Variants in RIMS1 observed in about 807,000 individuals in gnomAD.
The protein encoded by RIMS1 is regulating synaptic membrane exocytosis 1.
A neutral mutation model predicts 214.1 loss-of-function variants in RIMS1; 83 were observed. The ratio of observed to expected loss-of-function variants is 0.39; its 90% CI spans 0.32 to 0.47. The LOEUF (loss-of-function observed/expected upper bound fraction) is 0.47. Ranked by LOEUF, RIMS1 falls within the 20% of genes least tolerant of loss-of-function variation. The probability of loss-of-function intolerance (pLI) is 0.99; values close to 1 mark genes in which losing one functional copy is unlikely to be tolerated. For missense variants in RIMS1, 2,050 were observed against 2,161.8 expected (o/e 0.95, Z 1.03); for synonymous variants, 793 against 786.8 (o/e 1.01, Z -0.13).
chr6:72,365,137 C>T (rs967115425), intron 29 of RIMS1, among the ~76,000 whole-genome samples: 4 of 152,256 alleles, frequency 2.6e-5, no homozygotes, highest in Admixed American at 1.3e-4. Flanking sequence ...CACAAAAGTG[C>T]TCTTTGCCCA....
intron 6 of RIMS1, among the ~76,000 whole-genome samples, chr6:72,233,444 G>A (rs1247078856): frequency 6.6e-6 from 1 of 150,870 alleles, no homozygotes; most frequent in Middle Eastern, 3.2e-3. Flanking sequence ...AGCATCACTA[G>A]ATAGCAGGTT....
intron 2 of RIMS1, among the ~76,000 whole-genome samples, chr6:71,978,807 A>G (rs1797779549): frequency 6.6e-6 from 1 of 152,150 alleles, no homozygotes; most frequent in South Asian, 2.1e-4. Flanking sequence ...AGGGATCAAT[A>G]TCAATTTTCT....
intron 9 of RIMS1, among the ~76,000 whole-genome samples, chr6:72,239,725 T>G (rs2065901405): frequency 6.6e-6 from 1 of 152,218 alleles, no homozygotes; most frequent in Non-Finnish European, 1.5e-5. Flanking sequence ...ACACTCTGTT[T>G]ATTATGAAGA....
At chr6:72,279,600 C>T (rs181894655) in intron 23 of RIMS1, among the ~76,000 whole-genome samples, 5 of 152,034 alleles carry the variant, frequency 3.3e-5, no homozygotes, top group Admixed American at 1.3e-4. Context: ...AACAAAAAAG[C>T]ATGTTTAAAC....
At chr6:72,328,667 A>G (rs2096563849) in intron 28 of RIMS1, among the ~76,000 whole-genome samples, 1 of 151,800 alleles carries the variant, frequency 6.6e-6, no homozygotes, top group African/African-American at 2.4e-5. Flanking sequence ...AGCAAACAGA[A>G]CTAGCAGGTT....
At chr6:71,988,765 T>A (rs919480244) in intron 2 of RIMS1, among the ~76,000 whole-genome samples, 2 of 152,150 alleles carry the variant, frequency 1.3e-5, no homozygotes, top group Non-Finnish European at 2.9e-5. Context: ...TAATACAGAG[T>A]AACTGTTATT....
At chr6:72,288,204 C>T (rs2154242362) in intron 24 of RIMS1, among the ~76,000 whole-genome samples, 1 of 152,112 alleles carries the variant, frequency 6.6e-6, no homozygotes, top group Non-Finnish European at 1.5e-5. Context: ...CTCCAGGTCA[C>T]TCTATGACCC....
At chr6:71,988,461 G>T (rs962849631) in intron 2 of RIMS1, among the ~76,000 whole-genome samples, 8 of 152,048 alleles carry the variant, frequency 5.3e-5, no homozygotes, top group Non-Finnish European at 8.8e-5. Flanking sequence ...AAACTTGTGT[G>T]TTCTCATTGA....
chr6:72,071,150 A>C (rs535948461), intron 2 of RIMS1, among the ~76,000 whole-genome samples: 106 of 152,282 alleles, frequency 7.0e-4, no homozygotes, highest in African/African-American at 2.5e-3. Flanking sequence ...TAATCACAGC[A>C]CTTTGGGAGG....
chr6:72,005,066 T>A (rs1239745523), intron 2 of RIMS1, among the ~76,000 whole-genome samples: 1 of 151,470 alleles, frequency 6.6e-6, no homozygotes, highest in Non-Finnish European at 1.5e-5. Flanking sequence ...AAGGAAGGGA[T>A]CCAGTTTCAG....
intron 26 of RIMS1, among the ~76,000 whole-genome samples, chr6:72,296,942 C>T (rs2094149695): frequency 6.6e-6 from 1 of 151,704 alleles, no homozygotes; most frequent in South Asian, 2.1e-4. Flanking sequence ...TTGGTGTATC[C>T]TATTTTAGTA....
intron 29 of RIMS1, 33 bp downstream of exon 29, chr6:72,333,868 A>C: frequency 1.4e-6 from 2 of 1,446,154 alleles, no homozygotes; most frequent in Non-Finnish European, 1.9e-6. Flanking sequence ...AAACAACTCA[A>C]TTCTTTTATG....
chr6:72,242,259 C>T (rs1258974291), intron 9 of RIMS1, 55 bp from the exon 10 acceptor site: 29 of 1,320,114 alleles, frequency 2.2e-5, no homozygotes, highest in Admixed American at 1.6e-4. Flanking sequence ...AGAAAAGATA[C>T]GAAAAATAAA....
intron 1 of RIMS1, among the ~76,000 whole-genome samples, chr6:71,956,179 A>G (rs937837634): frequency 3.3e-5 from 5 of 152,108 alleles, no homozygotes. Flanking sequence ...TGACATATGT[A>G]GTCTTCTTAC....
chr6:72,180,750 TTGTTTTTGTA>T (rs1479293474), intron 5 of RIMS1, among the ~76,000 whole-genome samples: 1 of 152,238 alleles, frequency 6.6e-6, no homozygotes, highest in Non-Finnish European at 1.5e-5. Flanking sequence ...ACTGGGCTTA[TTGTTTTTGTA>T]TGTGTAACCA....
intron 1 of RIMS1, among the ~76,000 whole-genome samples, chr6:71,890,552 G>C (rs181403430): frequency 8.2e-6 from 1 of 122,666 alleles, no homozygotes; most frequent in Admixed American, 9.5e-5. Flanking sequence ...ATTAGATCTA[G>C]GATCTTACTC....
intron 8 of RIMS1, among the ~76,000 whole-genome samples, chr6:72,236,824 A>G (rs956341453): frequency 3.3e-5 from 5 of 151,846 alleles, no homozygotes; most frequent in African/African-American, 1.2e-4. Context: ...GGAAGTTAAC[A>G]AATTTCTATT....
At chr6:72,314,600 A>G (rs1486435875) in intron 28 of RIMS1, among the ~76,000 whole-genome samples, 1 of 152,174 alleles carries the variant, frequency 6.6e-6, no homozygotes, top group Non-Finnish European at 1.5e-5. Context: ...ATATTAGTAG[A>G]AAATCTTTTA....
intron 1 of RIMS1, among the ~76,000 whole-genome samples, chr6:71,947,843 CAT>C (rs10584852): frequency 0.017 from 2,633 of 151,982 alleles, 73 homozygotes; most frequent in African/African-American, 0.058. Flanking sequence ...AAAATACAAA[CAT>C]ATACATACAC....
Sources: gnomAD v4.1 joint callset for allele counts (sites outside exome capture counted in the v4.1 genomes callset) on GRCh38, gnomAD v4.1.1 for gene constraint, MANE v1.5 for transcripts, NCBI Gene and HGNC (gene_info 2026-07-23, HGNC 2026-07-21) for gene names.